Variants in MAST2 observed in about 807,000 individuals in gnomAD.
The protein encoded by MAST2 is microtubule associated serine/threonine kinase 2.
MAST2 carries 70 observed loss-of-function variants against 147.4 expected under a neutral mutation model. The ratio of observed to expected loss-of-function variants is 0.47; its 90% CI spans 0.39 to 0.58. The LOEUF (loss-of-function observed/expected upper bound fraction) is 0.58, where lower values mean the gene tolerates loss of function less well. MAST2 is among the 20% of genes least tolerant of loss of function. MAST2 has a pLI of 0.00. For synonymous variants in MAST2, 869 were observed against 896.8 expected, an observed-to-expected ratio of 0.97 and a Z score of 0.55; for missense variants, 2,080 against 2,302.3, an observed-to-expected ratio of 0.90 and a Z score of 1.98.
At chr1:45,853,353 T>A (rs10890358) in intron 3 of MAST2, among the ~76,000 whole-genome samples, 50,412 of 151,924 alleles carry the variant, frequency 0.33, 8,673 homozygotes, top group African/African-American at 0.41. Flanking sequence ...ATTAATTTTT[T>A]AAAAATAATT....
At chr1:45,919,411 G>A (rs1354481552) in intron 4 of MAST2, among the ~76,000 whole-genome samples, 5 of 152,136 alleles carry the variant, frequency 3.3e-5, no homozygotes, top group Non-Finnish European at 7.4e-5. Flanking sequence ...TGTTAAAAAA[G>A]GAAAGCGTGA....
At chr1:46,002,764 T>C in intron 6 of MAST2, 41 bp from the exon 7 acceptor site, 1 of 1,576,940 alleles carries the variant, frequency 6.3e-7, no homozygotes, top group South Asian at 1.1e-5. Flanking sequence ...GGTCAGGGTG[T>C]AGTCCTGCAG....
chr1:45,829,503 G>T lies in MAST2; in HGVS notation c.390G>T (p.Ser130=). 1 of 1,614,152 alleles carries T rather than the reference G, an allele frequency of 6.2e-7. No homozygotes were observed. The highest frequency in any genetic ancestry group is 2.2e-5 in the East Asian group (1 of 44,890). ...GTGTGGGACAGGTGACTTGGCAGTC[G>T]TCAGGAGAAGCATCAAACCTGGTTC... ...HSSVGQVTWQ[S]SGEASNLVRM... is the part of the protein sequence containing the mutation. Residue 130 remains serine, a synonymous_variant, in exon 3 of 29, where the codon TCG becomes TCT. Transcript: ENST00000361297.
chr1:45,931,975 G>A (rs1183698777), intron 4 of MAST2, among the ~76,000 whole-genome samples: 1 of 152,206 alleles, frequency 6.6e-6, no homozygotes, highest in Non-Finnish European at 1.5e-5. Flanking sequence ...ACAGGCGTGA[G>A]CTACTGCACC....
rs1048175474 is a variant in MAST2, at chr1:46,031,967, C to T, written c.3188-211C>T. Among the ~76,000 whole-genome samples the T allele has an allele frequency of 3.3e-5, 5 of 152,166 alleles. No individual in the cohort carries two copies. Among genetic ancestry groups the T allele is most frequent in the African/African-American group, 4.8e-5 (2 of 41,432 alleles). ...TGACAAGCTTATATAGTCCCTGATA[C>T]ACACATAAATGCTAGCTGCCATTTC... On this transcript the variant is annotated intron_variant, in intron 24 of 28. Coordinates refer to ENST00000361297, the MANE Select transcript of MAST2 (RefSeq NM_015112.3). The surrounding 1 kb of genome is among the most constrained non-coding windows in gnomAD (Gnocchi z 4.1).
chr1:46,012,268 T>A (rs1645745533), intron 10 of MAST2, among the ~76,000 whole-genome samples: 1 of 152,216 alleles, frequency 6.6e-6, no homozygotes, highest in African/African-American at 2.4e-5. Context: ...TGTTTAAGAT[T>A]TATCTTCTAA....
intron 4 of MAST2, among the ~76,000 whole-genome samples, chr1:45,885,890 A>G (rs1647058408): frequency 6.6e-6 from 1 of 152,184 alleles, no homozygotes; most frequent in African/African-American, 2.4e-5. Context: ...ACTTACTGCT[A>G]TGAAGAAAAA....
chr1:45,985,032 T>C (rs777959252), intron 5 of MAST2, among the ~76,000 whole-genome samples: 1 of 152,192 alleles, frequency 6.6e-6, no homozygotes, highest in Non-Finnish European at 1.5e-5. Context: ...AAAATTGATA[T>C]ACAGTATTCA....
intron 4 of MAST2, among the ~76,000 whole-genome samples, chr1:45,924,060 C>A (rs1003635081): frequency 6.6e-6 from 1 of 152,034 alleles, no homozygotes; most frequent in African/African-American, 2.4e-5. Flanking sequence ...TTAGTAGAGA[C>A]TGGGTTTCAT....
intron 26 of MAST2, among the ~76,000 whole-genome samples, chr1:46,033,483 G>A (rs1231271995): frequency 2.0e-5 from 3 of 151,896 alleles, no homozygotes; most frequent in Non-Finnish European, 4.4e-5. Flanking sequence ...ACTTGAATGT[G>A]GCACAACAGA....
intron 4 of MAST2, among the ~76,000 whole-genome samples, chr1:45,940,682 C>T (rs1041507919): frequency 1.3e-5 from 2 of 150,158 alleles, no homozygotes; most frequent in South Asian, 2.1e-4. Flanking sequence ...TGCAGTGGCG[C>T]GATCTCGGCT....
intron 4 of MAST2, among the ~76,000 whole-genome samples, chr1:45,943,643 G>T (rs181961302): frequency 1.2e-4 from 18 of 152,306 alleles, no homozygotes; most frequent in Non-Finnish European, 2.9e-5. Flanking sequence ...TACTCAGGAA[G>T]GCTGAGGCAG....
At chr1:45,990,065 CA>C (rs1481443586) in intron 5 of MAST2, among the ~76,000 whole-genome samples, 2 of 152,168 alleles carry the variant, frequency 1.3e-5, no homozygotes. Flanking sequence ...TTTGTGTAGA[CA>C]AGTTTTCAAC....
intron 1 of MAST2, among the ~76,000 whole-genome samples, chr1:45,813,411 C>T (rs540693594): frequency 3.3e-5 from 5 of 151,860 alleles, no homozygotes; most frequent in African/African-American, 9.7e-5. Context: ...CTCACTGGAA[C>T]CTCTGCCTCC....
At chr1:45,829,115 A>G (rs1182155626) in intron 2 of MAST2, among the ~76,000 whole-genome samples, 1 of 152,104 alleles carries the variant, frequency 6.6e-6, no homozygotes, top group East Asian at 1.9e-4. Context: ...TGAGGTGATG[A>G]GAAACTATGT....
At chr1:46,006,196 C>T in intron 7 of MAST2, 45 bp from the exon 8 acceptor site, 1 of 1,581,300 alleles carries the variant, frequency 6.3e-7, no homozygotes. Flanking sequence ...TTGGACTGCT[C>T]TGGGACATGT....
intron 1 of MAST2, among the ~76,000 whole-genome samples, chr1:45,813,541 C>T (rs960563616): frequency 1.3e-5 from 2 of 150,204 alleles, no homozygotes; most frequent in East Asian, 2.0e-4. Context: ...TCTTGTCCCC[C>T]AGTCTGGAGT....
intron 6 of MAST2, among the ~76,000 whole-genome samples, chr1:46,002,321 C>T (rs1483201513): frequency 1.3e-5 from 2 of 152,174 alleles, no homozygotes; most frequent in Non-Finnish European, 2.9e-5. Context: ...AACTGTTTCC[C>T]ATTGATTAGC....
intron 4 of MAST2, among the ~76,000 whole-genome samples, chr1:45,890,592 C>A (rs995215497): frequency 6.6e-6 from 1 of 152,188 alleles, no homozygotes; most frequent in Admixed American, 6.5e-5. Flanking sequence ...CCTATGACCT[C>A]ATTTAACCTT....
Sources: allele counts gnomAD v4.1 joint callset (sites outside exome capture counted in the v4.1 genomes callset), GRCh38; gene constraint gnomAD v4.1.1; non-coding constraint Gnocchi (gnomAD v3.1); transcripts MANE v1.5; gene names NCBI Gene and HGNC (gene_info 2026-07-23, HGNC 2026-07-21).